Variants in METAP2 observed in about 807,000 individuals in gnomAD.
METAP2 encodes methionyl aminopeptidase 2.
METAP2 carries 25 observed loss-of-function variants against 59.4 expected under a neutral mutation model. The observed-to-expected ratio is 0.42, with a 90% CI of 0.31 to 0.59. The LOEUF (loss-of-function observed/expected upper bound fraction) is 0.59, where lower values mean the gene tolerates loss of function less well. METAP2 is among the 20% of genes least tolerant of loss of function. METAP2 has a pLI of 0.16. For synonymous variants in METAP2, 214 were observed against 194.1 expected (o/e 1.10, Z -0.85); for missense variants, 366 against 581.2 (o/e 0.63, Z 3.81).
At chr12:95,511,867 A>G in intron 8 of METAP2, 28 bp from the exon 9 acceptor site, 1 of 1,500,154 alleles carries the variant, frequency 6.7e-7, no homozygotes, top group Non-Finnish European at 9.2e-7. Context: ...ATCCTGAATG[A>G]CTTTTATTTC....
Position 95,511,989 on chromosome 12 carries a change from A to G in METAP2, c.1059A>G (p.Thr353=). 1.2e-6 allele frequency: 2 copies of G among 1,610,128 alleles called. No individual in the cohort carries two copies. The highest frequency in any genetic ancestry group is 1.7e-6 in the Non-Finnish European group (2 of 1,176,598). Residue 353 remains threonine (T), a synonymous_variant, in exon 9 of 11, where the codon ACA becomes ACG. Coordinates refer to ENST00000323666, the MANE Select transcript of METAP2 (RefSeq NM_006838.4). ...CGATTGTGAAAGGAGGGGAGGCAAC[A>G]AGAATGGAGGTATGTGTGTCACTAA... ...TVPIVKGGEA[T]RMEEGEVYAI...
intron 7 of METAP2, among the ~76,000 whole-genome samples, chr12:95,496,305 T>C (rs894792046): frequency 1.3e-5 from 2 of 152,174 alleles, no homozygotes; most frequent in Non-Finnish European, 2.9e-5. Context: ...TGTTTGTTTG[T>C]TTCCCTTGAA....
intron 4 of METAP2, among the ~76,000 whole-genome samples, chr12:95,489,234 A>G (rs934189067): frequency 4.6e-5 from 7 of 151,844 alleles, no homozygotes; most frequent in African/African-American, 1.7e-4. Context: ...GAACACTTGA[A>G]GTGGTATTTA....
At chr12:95,474,758 T>C (rs971757042) in intron 1 of METAP2, among the ~76,000 whole-genome samples, 3 of 152,156 alleles carry the variant, frequency 2.0e-5, no homozygotes, top group African/African-American at 7.2e-5. Flanking sequence ...CTAGGACTTA[T>C]TTTCTTTGGG....
intron 2 of METAP2, among the ~76,000 whole-genome samples, chr12:95,479,233 T>TA (rs2076141815): frequency 6.6e-6 from 1 of 152,194 alleles, no homozygotes; most frequent in Admixed American, 6.6e-5. Flanking sequence ...TGTAAACTGA[T>TA]AGTCATAAAT....
At position 95,515,081 on chromosome 12, in the gene METAP2, T is replaced by G. The variant is rs201217611; in HGVS notation, c.*1177T>G. On this transcript the variant is annotated 3_prime_UTR_variant, in exon 11 of 11. Transcript: ENST00000323666. ...GGAATGTTCCATCATAATTTCTAAA[T>G]CATTTATATATCAAGGTAGCCTTAA... 3.3e-5 allele frequency: 5 copies of G among 152,684 alleles called. No homozygotes were observed. Among genetic ancestry groups the G allele is most frequent in the Admixed American group, 2.0e-4 (3 of 15,282 alleles). The allele number at this position is 152,684 out of a possible 1,614,324, so 9.5% of individuals were successfully genotyped here.
rs991228190 is a variant in METAP2, at chr12:95,506,168, C to G, written c.964+2007C>G. ...GCAGTGGCACGGTTGCAGCCCAACC[C>G]CCTTGCTCAAGCACTCGGTGGAGTG... On this transcript the variant is annotated intron_variant, in intron 8 of 10. Transcript: ENST00000323666. 4.6e-5 allele frequency among the ~76,000 whole-genome samples: 7 copies of G among 152,064 alleles called. No homozygotes were observed. In the South Asian group the frequency reaches 1.5e-3, roughly 32 times the overall value.
In METAP2 at chr12:95,492,206, A is replaced by G. The variant is rs116383922; in HGVS notation, c.429-1850A>G. ...GGTGGAGACAGGGTCCCACTGTGTCACCCTGGATTGTCTTGAACTGTTGTC... is the reference window on the plus strand; with the variant it reads ...GGTGGAGACAGGGTCCCACTGTGTCGCCCTGGATTGTCTTGAACTGTTGTC... On this transcript the variant is annotated intron_variant, in intron 4 of 10. Transcript: ENST00000323666. Among the ~76,000 whole-genome samples, 205 of 151,790 alleles carry G rather than the reference A, an allele frequency of 1.4e-3. 1 individual carries two copies. The highest frequency in any genetic ancestry group is 4.4e-3 in the African/African-American group (183 of 41,340).
intron 8 of METAP2, among the ~76,000 whole-genome samples, chr12:95,505,671 T>A (rs1282166116): frequency 6.6e-6 from 1 of 152,068 alleles, no homozygotes; most frequent in African/African-American, 2.4e-5. Flanking sequence ...CTTTTTGTAT[T>A]TTTAGTAGAG....
At chr12:95,506,737 T>C (rs1002589661) in intron 8 of METAP2, among the ~76,000 whole-genome samples, 1 of 152,160 alleles carries the variant, frequency 6.6e-6, no homozygotes, top group Non-Finnish European at 1.5e-5. Context: ...TGTTATTTGA[T>C]TTTCAGATAT....
intron 7 of METAP2, among the ~76,000 whole-genome samples, chr12:95,498,563 G>C (rs1411261437): frequency 6.6e-6 from 1 of 152,038 alleles, no homozygotes; most frequent in Non-Finnish European, 1.5e-5. Flanking sequence ...TATAGTTTCA[G>C]GTCTTCAACT....
At chr12:95,505,135 A>G (rs981452793) in intron 8 of METAP2, among the ~76,000 whole-genome samples, 2 of 151,128 alleles carry the variant, frequency 1.3e-5, no homozygotes, top group African/African-American at 2.4e-5. Flanking sequence ...GTGAGTGGAG[A>G]CTCTCATGTT....
intron 2 of METAP2, among the ~76,000 whole-genome samples, chr12:95,479,212 G>A (rs1008690380): frequency 6.6e-6 from 1 of 152,230 alleles, no homozygotes; most frequent in African/African-American, 2.4e-5. Flanking sequence ...CCAGGCATAT[G>A]GTAATGAAGA....
chr12:95,484,492 TAAA>T (rs543386243), intron 3 of METAP2, among the ~76,000 whole-genome samples: 1 of 142,304 alleles, frequency 7.0e-6, no homozygotes, highest in Non-Finnish European at 1.5e-5. Flanking sequence ...TTTCTTAAAT[TAAA>T]AAAAAAAAAA....
intron 2 of METAP2, among the ~76,000 whole-genome samples, chr12:95,481,112 G>T (rs143678005): frequency 7.1e-4 from 108 of 152,190 alleles, no homozygotes; most frequent in African/African-American, 2.2e-3. Flanking sequence ...ACTGATTTGG[G>T]CATAGTAGTA....
chr12:95,482,518 G>A (rs1026961240), intron 2 of METAP2, among the ~76,000 whole-genome samples: 11 of 151,754 alleles, frequency 7.2e-5, no homozygotes, highest in African/African-American at 1.9e-4. Context: ...AGTGGCTCAC[G>A]CCTATAATCC....
intron 7 of METAP2, among the ~76,000 whole-genome samples, chr12:95,498,066 G>C (rs1230320150): frequency 6.6e-6 from 1 of 151,416 alleles, no homozygotes; most frequent in Non-Finnish European, 1.5e-5. Flanking sequence ...CTGGGAGGCG[G>C]AGCTTGCAGT....
chr12:95,514,625 A>G lies in METAP2; in HGVS notation c.*721A>G, dbSNP rs2076432207. ...AGATGTGCTAATTGAAACTTGACTTAGTAGGAACATTGTGCCAACTCAAAA... is the reference window on the plus strand; with the variant it reads ...AGATGTGCTAATTGAAACTTGACTTGGTAGGAACATTGTGCCAACTCAAAA... On this transcript the variant is annotated 3_prime_UTR_variant, in exon 11 of 11. Coordinates refer to ENST00000323666, the MANE Select transcript of METAP2 (RefSeq NM_006838.4). The G allele has an allele frequency of 6.6e-6, 1 of 152,240 alleles. No individual in the cohort carries two copies. Among genetic ancestry groups the G allele is most frequent in the African/African-American group, 2.4e-5 (1 of 41,466 alleles). The allele number at this position is 152,240 out of a possible 1,614,324, so 9.4% of individuals were successfully genotyped here. A position where few individuals can be genotyped will look rare whatever the true frequency, so the allele number is the denominator to read the frequency against.
rs2076443926 is a variant in METAP2 at position 95,515,775 on chromosome 12, T to G, written c.*1871T>G. 1 of 152,214 alleles carries G rather than the reference T, an allele frequency of 6.6e-6. No individual in the cohort carries two copies. Among genetic ancestry groups the G allele is most frequent in the South Asian group, 2.1e-4 (1 of 4,836 alleles). 9.4% of individuals were successfully genotyped at this position (152,214 alleles called of 1,614,324 possible). ...TTATGTTTACAACGATGTACCTTAT[T>G]GGCAACAAGTTATTAGTTTGATGTT... On this transcript the variant is annotated 3_prime_UTR_variant, in exon 11 of 11. Transcript: ENST00000323666.
Sources: allele counts gnomAD v4.1 joint callset (sites outside exome capture counted in the v4.1 genomes callset), GRCh38; gene constraint gnomAD v4.1.1; transcripts MANE v1.5; gene names NCBI Gene and HGNC (gene_info 2026-07-23, HGNC 2026-07-21).